PCDHGB1: variants seen among roughly 807,000 people sequenced by gnomAD.
PCDHGB1 encodes the protein protocadherin gamma-B1.
PCDHGB1 carries 34 observed loss-of-function variants against 56.6 expected under a neutral mutation model. The observed-to-expected ratio is 0.60, with a 90% CI of 0.46 to 0.80. PCDHGB1 has a LOEUF of 0.80. Among genes scored for constraint, PCDHGB1 ranks in the 30% least tolerant of loss-of-function variants. The pLI is 0.00. For missense variants in PCDHGB1, 1,278 were observed against 1,204.6 expected, an observed-to-expected ratio of 1.06 and a Z score of -0.90; for synonymous variants, 561 against 505.9, an observed-to-expected ratio of 1.11 and a Z score of -1.46.
intron 1 of PCDHGB1, chr5:141,428,184 C>G: frequency 6.8e-7 from 1 of 1,463,674 alleles, no homozygotes; most frequent in Middle Eastern, 1.7e-4. Flanking sequence ...GGAGGACAGC[C>G]GCCGCTCTCT....
intron 1 of PCDHGB1, chr5:141,393,129 A>T (rs2150509668): frequency 1.2e-6 from 2 of 1,613,426 alleles, no homozygotes; most frequent in Non-Finnish European, 1.7e-6. Flanking sequence ...TCTGATAAAT[A>T]TTAACACCCT....
Position 141,511,002 on chromosome 5 carries a change from C to A in PCDHGB1, c.2613C>A (p.Ser871Arg), listed in dbSNP as rs143630962. The change falls in exon 4 of 4, where the codon AGC becomes AGA. Residue 871 changes from serine to arginine, a missense_variant. Physicochemically the swap from Ser to Arg is moderately radical, Grantham distance 110. Transcript: ENST00000523390. Reference protein sequence around the residue: ...LGGGAGTMGLSARYGPQFTLQ... With the variant: ...LGGGAGTMGLRARYGPQFTLQ... ...GGGGTGCCGGCACCATGGGATTGAG[C>A]GCCCGCTACGGACCCCAGTTCACCC... The A allele has an allele frequency of 8.7e-6, 14 of 1,614,140 alleles. No homozygotes were observed. The highest frequency in any genetic ancestry group is 1.2e-5 in the Non-Finnish European group (14 of 1,180,018).
intron 1 of PCDHGB1, chr5:141,404,648 G>A (rs1178706213): frequency 6.2e-7 from 1 of 1,614,030 alleles, no homozygotes; most frequent in Non-Finnish European, 8.5e-7. Context: ...CCTGTACCCT[G>A]CCCTCCCCAC....
At chr5:141,463,438 C>CTTTTTTT (rs71576115) in intron 1 of PCDHGB1, among the ~76,000 whole-genome samples, 6 of 103,252 alleles carry the variant, frequency 5.8e-5, no homozygotes, top group African/African-American at 1.3e-4. Flanking sequence ...TTTCCTTCTC[C>CTTTTTTT]TTTTTTTTTT....
intron 1 of PCDHGB1, chr5:141,478,378 G>A (rs1454112813): frequency 6.2e-7 from 1 of 1,613,558 alleles, no homozygotes; most frequent in Admixed American, 1.7e-5. Context: ...TGATGTCGCC[G>A]CACCTTTACC....
intron 1 of PCDHGB1, chr5:141,404,899 T>C (rs768489392): frequency 6.2e-7 from 1 of 1,613,718 alleles, no homozygotes; most frequent in East Asian, 2.2e-5. Flanking sequence ...TACAGGACCA[T>C]GGCCAGCCCC....
At chr5:141,371,761 CCTA>C (rs1486691481) in intron 1 of PCDHGB1, 4 of 1,614,030 alleles carry the variant, frequency 2.5e-6, no homozygotes, top group Non-Finnish European at 3.4e-6. Context: ...CACCAGGCCT[CCTA>C]CACCGTGCAT....
chr5:141,487,811 A>C lies in PCDHGB1; in HGVS notation c.2410-6996A>C, dbSNP rs1389081995. 2 of 1,414,662 alleles carry C rather than the reference A, an allele frequency of 1.4e-6. No homozygotes were observed. The highest frequency in any genetic ancestry group is 1.9e-6 in the Non-Finnish European group (2 of 1,041,698). The allele number at this position is 1,414,662 out of a possible 1,614,324, so 87.6% of individuals were successfully genotyped here. On this transcript the variant is annotated intron_variant, in intron 1 of 3. Coordinates refer to ENST00000523390, the MANE Select transcript of PCDHGB1 (RefSeq NM_018922.3). This position sits in a 1 kb window ranked among gnomAD's most constrained non-coding sequence, Gnocchi z 5.0. ...TTAACCAGAGTTGTCACAGTTTAGC[A>C]TTGGGGGCGGGTCATGCCTATATCT...
chr5:141,403,634 A>T, intron 1 of PCDHGB1: 1 of 1,613,920 alleles, frequency 6.2e-7, no homozygotes, highest in Non-Finnish European at 8.5e-7. Flanking sequence ...CACAGTGCGC[A>T]TCCATGTGAC....
chr5:141,444,329 G>T (rs536314842), intron 1 of PCDHGB1, among the ~76,000 whole-genome samples: 1 of 151,792 alleles, frequency 6.6e-6, no homozygotes, highest in Admixed American at 6.6e-5. Context: ...GTGCCACCAC[G>T]CCCAGCTAAT....
intron 1 of PCDHGB1, among the ~76,000 whole-genome samples, chr5:141,401,891 T>C (rs1196463391): frequency 6.6e-6 from 1 of 152,200 alleles, no homozygotes; most frequent in Non-Finnish European, 1.5e-5. Context: ...TTTTGTGTTC[T>C]TTTTCCCAAA....
At chr5:141,356,608 TC>T in intron 1 of PCDHGB1, 1 of 1,614,146 alleles carries the variant, frequency 6.2e-7, no homozygotes, top group Non-Finnish European at 8.5e-7. Flanking sequence ...CAGAGGAGCC[TC>T]CATCTTATCT....
Position 141,352,641 on chromosome 5 carries a change from T to C in PCDHGB1, c.2381T>C (p.Ile794Thr). 6.2e-7 allele frequency: 1 copy of C among 1,608,010 alleles called. No individual in the cohort carries two copies. Among genetic ancestry groups the C allele is most frequent in the Non-Finnish European group, 8.5e-7 (1 of 1,176,790 alleles). The part of the protein sequence containing the change: ...VVCASNEDHK[I>T]AYDPSLSSHQ... ...TGTGCCAGTAATGAAGATCACAAAA[T>C]CGCTTATGACCCTTCTTTGTCTTCG... The change falls in exon 1 of 4, where the codon ATC becomes ACC. Residue 794 changes from isoleucine (I) to threonine (T), a missense_variant. Ile to Thr is a moderately conservative substitution (Grantham distance 89). Coordinates refer to ENST00000523390, the MANE Select transcript of PCDHGB1 (RefSeq NM_018922.3).
At chr5:141,409,013 G>T in intron 1 of PCDHGB1, 1 of 1,613,998 alleles carries the variant, frequency 6.2e-7, no homozygotes. Flanking sequence ...TGACCAGGAT[G>T]AGGGGGTCAA....
intron 1 of PCDHGB1, among the ~76,000 whole-genome samples, chr5:141,368,072 C>G (rs1432840614): frequency 6.6e-6 from 1 of 152,176 alleles, no homozygotes; most frequent in Non-Finnish European, 1.5e-5. Context: ...TATTTCCCTT[C>G]TGCATCTGAT....
chr5:141,355,459 G>A, intron 1 of PCDHGB1: 3 of 1,614,080 alleles, frequency 1.9e-6, no homozygotes, highest in Non-Finnish European at 2.5e-6. Flanking sequence ...CTTGGTCACC[G>A]CGGGTAGGAT....
At chr5:141,393,404 G>A (rs1159260916) in intron 1 of PCDHGB1, 1 of 1,614,024 alleles carries the variant, frequency 6.2e-7, no homozygotes, top group Non-Finnish European at 8.5e-7. Context: ...TGGTGCTGGA[G>A]CGCGCCCTGG....
intron 1 of PCDHGB1, chr5:141,372,172 C>A: frequency 6.2e-7 from 1 of 1,613,722 alleles, no homozygotes; most frequent in Non-Finnish European, 8.5e-7. Flanking sequence ...AAGGTGGTGG[C>A]GGTGGACGCA....
rs748486683 is a variant in PCDHGB1, at chr5:141,374,702, G to A, written c.2409+22033G>A. 8 of 1,609,096 alleles carry A rather than the reference G, an allele frequency of 5.0e-6. No homozygotes were observed. In the Admixed American group the frequency reaches 5.1e-5, roughly 10 times the overall value. ...CACACTGGACCGGGAAGGAGAAGCCGTTTACCGCCTGGTCCTTACTGCCAT... is the reference window on the plus strand; with the variant it reads ...CACACTGGACCGGGAAGGAGAAGCCATTTACCGCCTGGTCCTTACTGCCAT... On this transcript the variant is annotated intron_variant, in intron 1 of 3. Transcript: ENST00000523390.
Sources: gnomAD v4.1 joint callset for allele counts (sites outside exome capture counted in the v4.1 genomes callset) on GRCh38, gnomAD v4.1.1 for gene constraint, Gnocchi (gnomAD v3.1) non-coding constraint, MANE v1.5 for transcripts, NCBI Gene and HGNC (gene_info 2026-07-23, HGNC 2026-07-21) for gene names.